Variants in CELA1 observed in about 807,000 individuals in gnomAD.
The protein encoded by CELA1 is chymotrypsin-like elastase family member 1.
In CELA1, 28 loss-of-function variants were observed where a neutral mutation model predicts 34.8. The ratio of observed to expected loss-of-function variants is 0.80; its 90% CI spans 0.60 to 1.10. CELA1 has a LOEUF of 1.10. CELA1 is among the 50% of genes least tolerant of loss of function. The pLI is 0.00. For synonymous variants in CELA1, 140 were observed against 129.8 expected, an observed-to-expected ratio of 1.08 and a Z score of -0.53; for missense variants, 288 against 327.5, an observed-to-expected ratio of 0.88 and a Z score of 0.93.
At chr12:51,338,524 T>C (rs971617311) in intron 6 of CELA1, among the ~76,000 whole-genome samples, 1 of 152,112 alleles carries the variant, frequency 6.6e-6, no homozygotes, top group Non-Finnish European at 1.5e-5. Flanking sequence ...TTCTCCTTTT[T>C]GCCTGGCCTA....
intron 6 of CELA1, among the ~76,000 whole-genome samples, chr12:51,336,502 C>T (rs1946500339): frequency 6.6e-6 from 1 of 152,190 alleles, no homozygotes; most frequent in Non-Finnish European, 1.5e-5. Flanking sequence ...TGGCACATGC[C>T]TGTAATCCCG....
intron 6 of CELA1, among the ~76,000 whole-genome samples, chr12:51,336,407 G>T (rs1946499648): frequency 6.6e-6 from 1 of 151,986 alleles, no homozygotes; most frequent in African/African-American, 2.4e-5. Context: ...ACTTTGGGAG[G>T]CTGAGGTCAG....
intron 7 of CELA1, 37 bp from the exon 8 acceptor site, chr12:51,328,631 C>T (rs1592294063): frequency 6.2e-7 from 1 of 1,612,042 alleles, no homozygotes; most frequent in Non-Finnish European, 8.5e-7. Flanking sequence ...GTCAGTAACT[C>T]CTGCCTACCT....
rs941581799 is a variant in CELA1, at chr12:51,334,119, T to C, written c.610-4286A>G. On this transcript the variant is annotated intron_variant, in intron 6 of 7. Transcript: ENST00000293636. ...AGGGACCTGGGGACACAATTGCCTC[T>C]GAGAACTGTCAATTTGGAGTGGCAG... Among the ~76,000 whole-genome samples the C allele has an allele frequency of 3.9e-5, 6 of 152,210 alleles. 1 individual carries two copies. The highest frequency in any genetic ancestry group is 4.4e-5 in the Non-Finnish European group (3 of 68,040).
Position 51,339,879 on chromosome 12 carries a change from C to T in CELA1, c.590G>A (p.Gly197Glu). The change falls in exon 6 of 8, where the codon GGA (glycine) becomes GAA (glutamate). Residue 197 changes from glycine (G) to glutamate (E), a missense_variant. By Grantham distance (98) the Gly-to-Glu change is moderately conservative. Coordinates refer to ENST00000293636, the MANE Select transcript of CELA1 (RefSeq NM_001971.6). ...KNTMVCAGGD[G>E]VRSGCQGDSG... is the part of the protein sequence containing the mutation. ...GTTCACCTGGCATCCAGAGCGAACT[C>T]CATCTCCACCAGCACACACCATGGT... 1.9e-6 allele frequency: 3 copies of T among 1,613,834 alleles called. No individual in the cohort carries two copies. The highest frequency in any genetic ancestry group is 2.5e-6 in the Non-Finnish European group (3 of 1,179,876).
At chr12:51,337,652 G>A (rs1946508531) in intron 6 of CELA1, among the ~76,000 whole-genome samples, 1 of 149,202 alleles carries the variant, frequency 6.7e-6, no homozygotes, top group African/African-American at 2.5e-5. Context: ...TATTCTTCAT[G>A]TGTCATGACA....
At chr12:51,335,693 G>A (rs917046602) in intron 6 of CELA1, among the ~76,000 whole-genome samples, 2 of 148,778 alleles carry the variant, frequency 1.3e-5, no homozygotes, top group Admixed American at 6.8e-5. Flanking sequence ...CCGGAGTGCC[G>A]TGGTGCGATC....
intron 2 of CELA1, among the ~76,000 whole-genome samples, chr12:51,344,674 A>G (rs1946555555): frequency 6.6e-6 from 1 of 151,992 alleles, no homozygotes; most frequent in African/African-American, 2.4e-5. Context: ...CTGGTGACAG[A>G]GCGAGACTCC....
rs33950532 is a variant in CELA1 at position 51,337,539 on chromosome 12, CAAAA to C, written c.609+2317_609+2320del. Among the ~76,000 whole-genome samples the C allele has an allele frequency of 1.2e-4, 8 of 69,364 alleles. No individual in the cohort carries two copies. In the East Asian group the frequency reaches 1.3e-3, roughly 11 times the overall value. 45.5% of individuals were successfully genotyped at this position (69,364 alleles called of 152,430 possible). On this transcript the variant is annotated intron_variant, in intron 6 of 7. Coordinates refer to ENST00000293636, the MANE Select transcript of CELA1 (RefSeq NM_001971.6). The stretch of plus-strand genomic sequence containing the variant: ...GTGACAGAGCAAGACCTTATCTCTT[CAAAA>C]AAAAAAAAAAAAAAAAAAAGCAGCC...
chr12:51,345,688 T>C, intron 2 of CELA1, 107 bp downstream of exon 2: 1 of 854,310 alleles, frequency 1.2e-6, no homozygotes, highest in South Asian at 1.4e-5. Context: ...CCTAGACAAT[T>C]GGAGAGCTGC....
chr12:51,339,096 C>T (rs1282763186), intron 6 of CELA1, among the ~76,000 whole-genome samples: 2 of 152,338 alleles, frequency 1.3e-5, no homozygotes, highest in East Asian at 3.9e-4. Flanking sequence ...CTATCAAACT[C>T]ACCTGTACAT....
intron 1 of CELA1, 24 bp downstream of exon 1, chr12:51,346,599 T>C: frequency 8.8e-7 from 1 of 1,141,324 alleles, no homozygotes; most frequent in Non-Finnish European, 1.2e-6. Context: ...GGACCAGGGT[T>C]GCGACTGGAC....
chr12:51,332,800 A>G (rs975544935), intron 6 of CELA1, among the ~76,000 whole-genome samples: 2 of 152,176 alleles, frequency 1.3e-5, no homozygotes, highest in Non-Finnish European at 2.9e-5. Flanking sequence ...AGGAGGTTGC[A>G]GTGAGCTGAG....
At chr12:51,330,627 CA>C (rs887724218) in intron 6 of CELA1, among the ~76,000 whole-genome samples, 10 of 152,132 alleles carry the variant, frequency 6.6e-5, no homozygotes, top group Non-Finnish European at 1.0e-4. Flanking sequence ...GTAAAAATAC[CA>C]CCCCCACTCT....
chr12:51,332,110 A>G (rs1346543708), intron 6 of CELA1, among the ~76,000 whole-genome samples: 1 of 151,922 alleles, frequency 6.6e-6, no homozygotes, highest in Non-Finnish European at 1.5e-5. Flanking sequence ...TCTTGAGCCC[A>G]GAAATTCAAG....
rs75442020 is a variant in CELA1 at position 51,329,814 on chromosome 12, A to G, written c.629T>C (p.Leu210Pro). ...SGCQGDSGGPLHCLVNGKYSV... is the reference protein window; with the variant it reads ...SGCQGDSGGPPHCLVNGKYSV... ...ATACTTGCCATTCACCAAGCAATGG[A>G]GGGGGCCCCCAGAGTCACCCTGCAG... Residue 210 changes from leucine (L) to proline (P), a missense_variant, in exon 7 of 8, where the codon CTC becomes CCC. Coordinates refer to ENST00000293636, the MANE Select transcript of CELA1 (RefSeq NM_001971.6). 1.2e-6 allele frequency: 2 copies of G among 1,611,548 alleles called. No individual in the cohort carries two copies. The highest frequency in any genetic ancestry group is 1.7e-6 in the Non-Finnish European group (2 of 1,179,006).
At chr12:51,338,472 C>A (rs1417481705) in intron 6 of CELA1, among the ~76,000 whole-genome samples, 2 of 151,982 alleles carry the variant, frequency 1.3e-5, no homozygotes, top group Admixed American at 6.6e-5. Flanking sequence ...GTTTCTTGGC[C>A]CCCTGCCTTT....
Position 51,341,254 on chromosome 12 carries a change from G to C in CELA1, c.453C>G (p.Gly151=), listed in dbSNP as rs575361809. 6.2e-7 allele frequency: 1 copy of C among 1,614,078 alleles called. No homozygotes were observed. The highest frequency in any genetic ancestry group is 2.2e-5 in the East Asian group (1 of 44,878). Residue 151 remains glycine, a synonymous_variant, in exon 5 of 8, where the codon GGC becomes GGG. Transcript: ENST00000293636. ...NNSPCYITGW[G]KTKTNGQLAQ... The stretch of plus-strand genomic sequence containing the variant: ...ATGTAGGCAACTTACTCTTGGTCTT[G>C]CCCCAGCCTGTGATGTAGCAGGGAC...
chr12:51,329,628 C>A lies in CELA1; in HGVS notation c.759+56G>T. The A allele has an allele frequency of 6.7e-6, 10 of 1,485,588 alleles. No homozygotes were observed. The South Asian group carries it at 1.4e-4, about 20-fold the overall frequency. 92.0% of individuals were successfully genotyped at this position (1,485,588 alleles called of 1,614,324 possible). On this transcript the variant is annotated intron_variant, in intron 7 of 7. Coordinates refer to ENST00000293636, the MANE Select transcript of CELA1 (RefSeq NM_001971.6). ...ATCCAACGTTTGTTCCCCAACCCAG[C>A]CAGTGCGTAGGTCTCCAGGTGACCC...
Sources: allele counts gnomAD v4.1 joint callset (sites outside exome capture counted in the v4.1 genomes callset), GRCh38; gene constraint gnomAD v4.1.1; transcripts MANE v1.5; gene names NCBI Gene and HGNC (gene_info 2026-07-23, HGNC 2026-07-21).